ST8SIA4: variants seen among roughly 807,000 people sequenced by gnomAD.
The protein encoded by ST8SIA4 is ST8 alpha-N-acetyl-neuraminide alpha-2,8-sialyltransferase 4.
In ST8SIA4, 15 loss-of-function variants were observed where a neutral mutation model predicts 33.9. That is an observed-to-expected ratio of 0.44 (90% CI 0.30 to 0.68). The LOEUF (loss-of-function observed/expected upper bound fraction) is 0.68, where lower values mean the gene tolerates loss of function less well. Among genes scored for constraint, ST8SIA4 ranks in the 30% least tolerant of loss-of-function variants. The pLI, the probability that ST8SIA4 is intolerant of heterozygous loss-of-function variation, is 0.10. For missense variants in ST8SIA4, 321 were observed against 428.0 expected (o/e 0.75, Z 2.21); for synonymous variants, 171 against 151.2 (o/e 1.13, Z -0.96).
intron 4 of ST8SIA4, among the ~76,000 whole-genome samples, chr5:100,829,149 T>C (rs76420684): frequency 0.011 from 1,650 of 152,340 alleles, 30 homozygotes; most frequent in African/African-American, 0.038. Context: ...ACTGCCATGC[T>C]CTGCTCTCTT....
chr5:100,814,924 T>G (rs1750883964), intron 4 of ST8SIA4, among the ~76,000 whole-genome samples: 2 of 152,010 alleles, frequency 1.3e-5, no homozygotes, highest in African/African-American at 4.8e-5. Flanking sequence ...ATTTGATATT[T>G]GAAAACTGCA....
Position 100,902,585 on chromosome 5 carries a change from TCTC to T in ST8SIA4, c.113+255_113+257del, listed in dbSNP as rs1222030801. Among the ~76,000 whole-genome samples the T allele has an allele frequency of 2.0e-5, 3 of 152,116 alleles. No homozygotes were observed. The East Asian group carries it at 5.8e-4, about 29-fold the overall frequency. On this transcript the variant is annotated intron_variant, in intron 1 of 4. Coordinates refer to ENST00000231461, the MANE Select transcript of ST8SIA4 (RefSeq NM_005668.6). ...CTTTGTTGACACTTCTGCAGTGACTTCTCCTTTGGCGAGAGAGCACCCAGGGCC... is the reference window on the plus strand; with the variant it reads ...CTTTGTTGACACTTCTGCAGTGACTTCTTTGGCGAGAGAGCACCCAGGGCC...
At chr5:100,876,362 A>G (rs937719181) in intron 3 of ST8SIA4, among the ~76,000 whole-genome samples, 8 of 152,110 alleles carry the variant, frequency 5.3e-5, no homozygotes, top group African/African-American at 1.9e-4. Flanking sequence ...TTTTTCCTCA[A>G]GCAGGTGAGA....
intron 4 of ST8SIA4, among the ~76,000 whole-genome samples, chr5:100,854,506 C>T (rs1192721010): frequency 6.6e-6 from 1 of 152,060 alleles, no homozygotes; most frequent in Non-Finnish European, 1.5e-5. Context: ...CGGCGTGAAC[C>T]CAGGAGGCAG....
intron 3 of ST8SIA4, among the ~76,000 whole-genome samples, chr5:100,871,824 T>C (rs1442739357): frequency 6.6e-6 from 1 of 152,114 alleles, no homozygotes; most frequent in Non-Finnish European, 1.5e-5. Context: ...CTGCTGTTAA[T>C]AGGCCTATTA....
At chr5:100,895,426 A>C (rs1290270302) in intron 2 of ST8SIA4, among the ~76,000 whole-genome samples, 1 of 152,084 alleles carries the variant, frequency 6.6e-6, no homozygotes, top group East Asian at 1.9e-4. Flanking sequence ...TAGTATAAAG[A>C]CAATATATTC....
At chr5:100,861,662 A>G in intron 3 of ST8SIA4, among the ~76,000 whole-genome samples, 1 of 152,196 alleles carries the variant, frequency 6.6e-6, no homozygotes, top group East Asian at 1.9e-4. Context: ...GAAATAAAAG[A>G]TATTTAGCTT....
chr5:100,850,459 C>A (rs1374806511), intron 4 of ST8SIA4, among the ~76,000 whole-genome samples: 1 of 150,432 alleles, frequency 6.6e-6, no homozygotes, highest in Non-Finnish European at 1.5e-5. Flanking sequence ...AAAAAAAAAA[C>A]TAAGGGGCCA....
intron 2 of ST8SIA4, among the ~76,000 whole-genome samples, chr5:100,893,128 A>T (rs1225559581): frequency 6.6e-6 from 1 of 152,160 alleles, no homozygotes; most frequent in Non-Finnish European, 1.5e-5. Flanking sequence ...CAGAAAAGTG[A>T]GGAAGAAAGA....
intron 4 of ST8SIA4, among the ~76,000 whole-genome samples, chr5:100,820,758 G>T (rs1412963551): frequency 6.6e-6 from 1 of 152,014 alleles, no homozygotes; most frequent in Non-Finnish European, 1.5e-5. Context: ...ATCGTATGTG[G>T]GCTAGATTTT....
chr5:100,856,145 C>T lies in ST8SIA4; in HGVS notation c.755G>A (p.Arg252Gln), dbSNP rs781048508. 36 of 1,613,930 alleles carry T rather than the reference C, an allele frequency of 2.2e-5. No homozygotes were observed. Among genetic ancestry groups the T allele is most frequent in the South Asian group, 1.5e-4 (14 of 91,070 alleles). Residue 252 changes from arginine (R) to glutamine (Q), a missense_variant, in exon 4 of 5, where the codon CGA (arginine) becomes CAA (glutamine). Coordinates refer to ENST00000231461, the MANE Select transcript of ST8SIA4 (RefSeq NM_005668.6). ...AAGTCTCAATGACGGATAGGCAGTT[C>T]GCACTTTCAGTTTATTCTTAAGGAT... ...ALILKNKLKV[R>Q]TAYPSLRLIH...
chr5:100,887,238 T>C (rs959494709), intron 2 of ST8SIA4, among the ~76,000 whole-genome samples: 2 of 152,004 alleles, frequency 1.3e-5, no homozygotes, highest in South Asian at 2.1e-4. Flanking sequence ...AGATAGAACA[T>C]TGGACTCTGT....
rs978100439 is a variant in ST8SIA4 at position 100,849,190 on chromosome 5, C to T, written c.797+6913G>A. Reference sequence around the variant, plus strand: ...GTTTTTTTGTGACAGTTTGAATATTCCCATGTGTAAGGACAAAGTTCAGAA... The same window carrying T: ...GTTTTTTTGTGACAGTTTGAATATTTCCATGTGTAAGGACAAAGTTCAGAA... On this transcript the variant is annotated intron_variant, in intron 4 of 4. Coordinates refer to ENST00000231461, the MANE Select transcript of ST8SIA4 (RefSeq NM_005668.6). 1.0e-5 allele frequency: 10 copies of T among 984,982 alleles called. No homozygotes were observed. In the African/African-American group the frequency reaches 1.6e-4, roughly 16 times the overall value. 61.0% of individuals were successfully genotyped at this position (984,982 alleles called of 1,614,324 possible).
intron 1 of ST8SIA4, among the ~76,000 whole-genome samples, chr5:100,898,263 A>G (rs2112485726): frequency 6.6e-6 from 1 of 152,314 alleles, no homozygotes; most frequent in Non-Finnish European, 1.5e-5. Flanking sequence ...GTTAGAGACC[A>G]GCCTGGGTAA....
intron 4 of ST8SIA4, among the ~76,000 whole-genome samples, chr5:100,817,726 A>C (rs1750959118): frequency 6.6e-6 from 1 of 152,238 alleles, no homozygotes; most frequent in Non-Finnish European, 1.5e-5. Context: ...AATTTCTTAA[A>C]TAAAAGTGGA....
chr5:100,862,507 T>C (rs1751968559), intron 3 of ST8SIA4, among the ~76,000 whole-genome samples: 2 of 152,084 alleles, frequency 1.3e-5, no homozygotes, highest in African/African-American at 2.4e-5. Flanking sequence ...CAACTGATTC[T>C]CCTGCCTCAG....
rs1156349176 is a variant in ST8SIA4, at chr5:100,807,499, C to T, written c.*4348G>A. 6.6e-6 allele frequency: 1 copy of T among 152,434 alleles called. No individual in the cohort carries two copies. The highest frequency in any genetic ancestry group is 1.5e-5 in the Non-Finnish European group (1 of 67,930). 9.4% of individuals were successfully genotyped at this position (152,434 alleles called of 1,614,324 possible). The stretch of plus-strand genomic sequence containing the variant: ...TAAAAGGTGCTACTTAAATGAGAAA[C>T]ACAAGGCCTGGAGCCACAATCTGAA... On this transcript the variant is annotated 3_prime_UTR_variant, in exon 5 of 5. Coordinates refer to ENST00000231461, the MANE Select transcript of ST8SIA4 (RefSeq NM_005668.6).
chr5:100,873,138 G>A (rs1752233031), intron 3 of ST8SIA4, among the ~76,000 whole-genome samples: 1 of 152,134 alleles, frequency 6.6e-6, no homozygotes, highest in African/African-American at 2.4e-5. Flanking sequence ...CATTTAAGTG[G>A]CCCTCTTAAT....
intron 4 of ST8SIA4, among the ~76,000 whole-genome samples, chr5:100,820,957 T>A (rs1024357131): frequency 6.6e-6 from 1 of 152,208 alleles, no homozygotes; most frequent in Admixed American, 6.5e-5. Flanking sequence ...TCCATTACTA[T>A]TTTAATGACC....
Sources: gnomAD v4.1 joint callset for allele counts (sites outside exome capture counted in the v4.1 genomes callset) on GRCh38, gnomAD v4.1.1 for gene constraint, MANE v1.5 for transcripts, NCBI Gene and HGNC (gene_info 2026-07-23, HGNC 2026-07-21) for gene names.